The following USH2A variants were observed in gnomAD, a reference collection of about 807,000 sequenced individuals.
The protein encoded by USH2A is Usher syndrome 2A (autosomal recessive, mild).
Under a neutral mutation model 538.9 loss-of-function variants are expected in USH2A, and 443 were observed. The observed-to-expected ratio is 0.82, with a 90% CI of 0.76 to 0.89. The LOEUF is 0.89. USH2A is among the 40% of genes least tolerant of loss of function. USH2A has a pLI of 0.00. For synonymous variants in USH2A, 2,413 were observed against 2,273.5 expected (o/e 1.06, Z -1.75); for missense variants, 6,633 against 6,324.8 (o/e 1.05, Z -1.65).
intron 62 of USH2A, 101 bp from the exon 63 acceptor site, chr1:215,675,717 G>A (rs528669345): frequency 7.8e-5 from 124 of 1,591,144 alleles, no homozygotes; most frequent in Non-Finnish European, 1.0e-4. Context: ...TCCTTATTTT[G>A]ATGACCCTAA....
intron 16 of USH2A, among the ~76,000 whole-genome samples, chr1:216,201,011 C>CCCTTCCTTCCTTTCTT (rs2034984484): frequency 2.6e-5 from 1 of 39,036 alleles, no homozygotes; most frequent in African/African-American, 8.1e-5. Context: ...CTCCCTCCCT[C>CCCTTCCTTCCTTTCTT]CCTTCCTTCC....
At chr1:216,306,593 T>C (rs958185513) in intron 9 of USH2A, among the ~76,000 whole-genome samples, 1 of 152,220 alleles carries the variant, frequency 6.6e-6, no homozygotes, top group Non-Finnish European at 1.5e-5. Flanking sequence ...TGTTTTGTCA[T>C]ATTACTAGAA....
At position 216,296,392 on chromosome 1, in the gene USH2A, T is replaced by A. The variant is rs552957391; in HGVS notation, c.1645-4022A>T. On this transcript the variant is annotated intron_variant, in intron 9 of 71. Coordinates refer to ENST00000307340, the MANE Select transcript of USH2A (RefSeq NM_206933.4). ...CCGCTTCTCATCTCTCAGAGTACTC[T>A]ATTAATACCTCAATCTTGCTCCTGT... Among the ~76,000 whole-genome samples, 7 of 152,136 alleles carry A rather than the reference T, an allele frequency of 4.6e-5. No individual in the cohort carries two copies. In the East Asian group the frequency reaches 1.4e-3, roughly 29 times the overall value.
At chr1:215,893,846 C>T (rs1483503170) in intron 40 of USH2A, among the ~76,000 whole-genome samples, 3 of 152,000 alleles carry the variant, frequency 2.0e-5, no homozygotes, top group Admixed American at 2.0e-4. Context: ...CCGTATTGGT[C>T]ATTTTTGGCT....
intron 3 of USH2A, among the ~76,000 whole-genome samples, chr1:216,413,781 G>A (rs560923890): frequency 1.3e-4 from 20 of 152,094 alleles, no homozygotes; most frequent in Admixed American, 2.0e-4. Context: ...TCATTTCTTG[G>A]TTCCACAGCT....
At chr1:216,216,004 C>T (rs990048304) in intron 15 of USH2A, among the ~76,000 whole-genome samples, 6 of 151,948 alleles carry the variant, frequency 3.9e-5, no homozygotes, top group Non-Finnish European at 7.4e-5. Context: ...AATATTGTCA[C>T]AAAATTAGTG....
intron 3 of USH2A, among the ~76,000 whole-genome samples, chr1:216,377,474 C>A (rs1365448646): frequency 6.6e-6 from 1 of 152,090 alleles, no homozygotes; most frequent in Non-Finnish European, 1.5e-5. Context: ...CCTTTCCTCC[C>A]TTCACAATCA....
At chr1:216,138,829 A>G (rs1487831830) in intron 21 of USH2A, among the ~76,000 whole-genome samples, 1 of 152,222 alleles carries the variant, frequency 6.6e-6, no homozygotes, top group African/African-American at 2.4e-5. Flanking sequence ...TAAAACAGAC[A>G]GGAAGCCAAA....
chr1:215,969,695 G>A (rs1571855531), intron 36 of USH2A, among the ~76,000 whole-genome samples: 2 of 152,154 alleles, frequency 1.3e-5, no homozygotes, highest in South Asian at 2.1e-4. Context: ...GGTGTTAGCT[G>A]CTTGGAAAGC....
At chr1:215,946,913 T>C (rs1391628118) in intron 37 of USH2A, among the ~76,000 whole-genome samples, 2 of 152,192 alleles carry the variant, frequency 1.3e-5, no homozygotes, top group Non-Finnish European at 2.9e-5. Context: ...AATTGAAATA[T>C]CCTATAAGTG....
chr1:215,900,819 C>G lies in USH2A; in HGVS notation c.7387G>C (p.Ala2463Pro). 4.3e-6 allele frequency: 7 copies of G among 1,613,738 alleles called. No individual in the cohort carries two copies. Among genetic ancestry groups the G allele is most frequent in the Non-Finnish European group, 5.9e-6 (7 of 1,179,784 alleles). The change falls in exon 39 of 72, where the codon GCT becomes CCT. Residue 2463 changes from alanine to proline, a missense_variant. Coordinates refer to ENST00000307340, the MANE Select transcript of USH2A (RefSeq NM_206933.4). ...VVWSTPARNN[A>P]PGSPRYQLQM... ...AGTTGGTATCTGGGAGAGCCAGGAG[C>G]GTTATTACGAGCTGGTGTAGACCAG...
intron 22 of USH2A, among the ~76,000 whole-genome samples, chr1:216,093,866 T>C (rs2102569774): frequency 6.6e-6 from 1 of 152,322 alleles, no homozygotes; most frequent in Non-Finnish European, 1.5e-5. Flanking sequence ...AATAATTCAG[T>C]GCTATTCAAA....
intron 36 of USH2A, among the ~76,000 whole-genome samples, chr1:215,966,990 G>T (rs1300820596): frequency 6.6e-6 from 1 of 151,986 alleles, no homozygotes; most frequent in Non-Finnish European, 1.5e-5. Flanking sequence ...GCTCTGACCT[G>T]GTCTTTCTTT....
Position 215,853,305 on chromosome 1 carries a change from G to T in USH2A, c.8846-7272C>A, listed in dbSNP as rs528231221. Among the ~76,000 whole-genome samples, 130 of 152,294 alleles carry T rather than the reference G, an allele frequency of 8.5e-4. 1 individual carries two copies. The highest frequency in any genetic ancestry group is 2.7e-3 in the African/African-American group (112 of 41,570). ...TTGGGGCCTTTCAGCCATGGCTGGA[G>T]CCACTGAGAAACAGGGCACCAAGTC... is the stretch of plus-strand genomic sequence containing the variant. On this transcript the variant is annotated intron_variant, in intron 44 of 71. Transcript: ENST00000307340.
In USH2A at chr1:215,999,038, A is replaced by C; in HGVS notation, c.6506T>G (p.Ile2169Arg). Residue 2169 changes from isoleucine (I) to arginine (R), a missense_variant, in exon 34 of 72, where the codon ATA (isoleucine) becomes AGA (arginine). Physicochemically the swap from Ile to Arg is moderately conservative, Grantham distance 97. Coordinates refer to ENST00000307340, the MANE Select transcript of USH2A (RefSeq NM_206933.4). ...IHIQWKQPRKISGILERYVLY... is the reference protein window; with the variant it reads ...IHIQWKQPRKRSGILERYVLY... The stretch of plus-strand genomic sequence containing the variant: ...TACATAGCGTTCCAGAATCCCACTT[A>C]TTTTTCTTGGTTGTTTCCACCTGGG... The C allele has an allele frequency of 6.2e-7, 1 of 1,611,234 alleles. No homozygotes were observed. Among genetic ancestry groups the C allele is most frequent in the Non-Finnish European group, 8.5e-7 (1 of 1,178,188 alleles).
chr1:215,907,035 C>T (rs1411133876), intron 38 of USH2A, among the ~76,000 whole-genome samples: 1 of 151,886 alleles, frequency 6.6e-6, no homozygotes, highest in African/African-American at 2.4e-5. Context: ...AAAATAGTCA[C>T]TTGGCAAGTT....
Position 216,086,760 on chromosome 1 carries a change from C to A in USH2A, c.4946G>T (p.Gly1649Val). 1 of 1,613,036 alleles carries A rather than the reference C, an allele frequency of 6.2e-7. No homozygotes were observed. Among genetic ancestry groups the A allele is most frequent in the African/African-American group, 1.3e-5 (1 of 74,972 alleles). Residue 1649 changes from glycine to valine, a missense_variant, in exon 24 of 72, where the codon GGA (glycine) becomes GTA (valine). Gly to Val is a moderately radical substitution (Grantham distance 109). Transcript: ENST00000307340. ...VIGDNTGVFL[G>V]GLPRSYTILR... ...GATGGTATAACTTCGCGGGAGCCCTCCCAGAAAGACTCCTGTGTTATCTCC... is the reference window on the plus strand; with the variant it reads ...GATGGTATAACTTCGCGGGAGCCCTACCAGAAAGACTCCTGTGTTATCTCC...
intron 61 of USH2A, among the ~76,000 whole-genome samples, chr1:215,686,054 T>G (rs948834638): frequency 6.6e-5 from 10 of 152,162 alleles, no homozygotes; most frequent in Non-Finnish European, 1.5e-4. Flanking sequence ...ATGACACAGC[T>G]GCCAAAATGC....
intron 11 of USH2A, among the ~76,000 whole-genome samples, chr1:216,280,106 C>T (rs1389368490): frequency 4.0e-5 from 6 of 151,434 alleles, no homozygotes; most frequent in Non-Finnish European, 5.9e-5. Flanking sequence ...GCCTGGGACT[C>T]TATTTGATTG....
Sources: allele counts gnomAD v4.1 joint callset (sites outside exome capture counted in the v4.1 genomes callset), GRCh38; gene constraint gnomAD v4.1.1; transcripts MANE v1.5; gene names NCBI Gene and HGNC (gene_info 2026-07-23, HGNC 2026-07-21).